The following RNFT2 variants were observed in gnomAD, a reference collection of about 807,000 sequenced individuals.
RNFT2 encodes ring finger protein, transmembrane 2, also known as E3 ubiquitin-protein ligase RNFT2.
In RNFT2, 36 loss-of-function variants were observed where a neutral mutation model predicts 53.0. The ratio of observed to expected loss-of-function variants is 0.68; its 90% CI spans 0.52 to 0.90. The LOEUF is 0.90. RNFT2 is among the 40% of genes least tolerant of loss of function. The pLI is 0.00. For synonymous variants in RNFT2, 260 were observed against 253.2 expected (o/e 1.03, Z -0.26); for missense variants, 514 against 585.6 (o/e 0.88, Z 1.26).
At chr12:116,780,909 CA>C (rs200221377) in intron 7 of RNFT2, among the ~76,000 whole-genome samples, 1,693 of 152,256 alleles carry the variant, frequency 0.011, 13 homozygotes, top group African/African-American at 0.012. Context: ...AGATCCCAGC[CA>C]TACGCCTCTC....
intron 5 of RNFT2, among the ~76,000 whole-genome samples, chr12:116,764,231 A>G (rs1872814882): frequency 6.6e-6 from 1 of 151,936 alleles, no homozygotes. Context: ...TGAGGGATTA[A>G]AGACTACAAA....
intron 5 of RNFT2, among the ~76,000 whole-genome samples, chr12:116,762,562 C>T (rs368005148): frequency 6.6e-6 from 1 of 151,710 alleles, no homozygotes; most frequent in Non-Finnish European, 1.5e-5. Context: ...CATAGCAAGA[C>T]CCCTTTCTTC....
At chr12:116,791,856 C>T (rs565655491) in intron 7 of RNFT2, among the ~76,000 whole-genome samples, 8 of 152,278 alleles carry the variant, frequency 5.3e-5, no homozygotes, top group Admixed American at 2.0e-4. Context: ...AACCTTCCCA[C>T]AGTGCCTGCA....
intron 7 of RNFT2, among the ~76,000 whole-genome samples, chr12:116,781,751 A>C (rs986579587): frequency 6.6e-6 from 1 of 152,094 alleles, no homozygotes; most frequent in African/African-American, 2.4e-5. Flanking sequence ...CTTTTGCCAC[A>C]GAAGGTAACA....
intron 7 of RNFT2, among the ~76,000 whole-genome samples, chr12:116,815,803 A>C (rs1363079955): frequency 6.6e-6 from 1 of 152,148 alleles, no homozygotes. Context: ...TACTTTGCTA[A>C]CGAGGAAACT....
rs1200749772 is a variant in RNFT2 at position 116,749,982 on chromosome 12, C to T, written c.225C>T (p.Ser75=). Residue 75 remains serine, a synonymous_variant, in exon 4 of 11, where the codon AGC becomes AGT. Coordinates refer to ENST00000257575, the MANE Select transcript of RNFT2 (RefSeq NM_001382266.1). ...GSLPTSSFPS[S]LVLGSSAGGG... ...TCCCCACCAGCTCGTTCCCCTCCAG[C>T]CTGGTGCTGGGCTCCTCGGCTGGCG... 4 of 1,560,556 alleles carry T rather than the reference C, an allele frequency of 2.6e-6. No individual in the cohort carries two copies. The highest frequency in any genetic ancestry group is 1.7e-6 in the Non-Finnish European group (2 of 1,152,252).
At chr12:116,821,821 T>C in intron 7 of RNFT2, among the ~76,000 whole-genome samples, 1 of 132,674 alleles carries the variant, frequency 7.5e-6, no homozygotes, top group East Asian at 2.2e-4. Context: ...TTTTTTTTTT[T>C]TTTTTTTTTT....
At chr12:116,770,249 T>C (rs1054355997) in intron 6 of RNFT2, among the ~76,000 whole-genome samples, 4 of 152,204 alleles carry the variant, frequency 2.6e-5, no homozygotes, top group African/African-American at 9.7e-5. Context: ...CTGTGCCCTT[T>C]CTGTTTAGAT....
intron 7 of RNFT2, among the ~76,000 whole-genome samples, chr12:116,798,236 AAG>A (rs1874601004): frequency 1.3e-5 from 2 of 152,078 alleles, no homozygotes; most frequent in African/African-American, 4.8e-5. Flanking sequence ...AAAAAAAAAA[AAG>A]AAGCAGCAGC....
chr12:116,772,524 C>T (rs989978633), intron 6 of RNFT2, among the ~76,000 whole-genome samples: 6 of 151,698 alleles, frequency 4.0e-5, no homozygotes, highest in Non-Finnish European at 7.4e-5. Context: ...CCAGAATGGT[C>T]TTCATCTCCT....
chr12:116,749,116 A>C (rs1176275295), intron 3 of RNFT2, among the ~76,000 whole-genome samples: 1 of 152,164 alleles, frequency 6.6e-6, no homozygotes, highest in Non-Finnish European at 1.5e-5. Context: ...CTTAAACAAC[A>C]GAAATTTCTT....
chr12:116,800,682 T>A (rs1418716927), intron 7 of RNFT2, among the ~76,000 whole-genome samples: 1 of 150,800 alleles, frequency 6.6e-6, no homozygotes, highest in African/African-American at 2.4e-5. Context: ...GGCACTGTGG[T>A]GCGTGCCTGT....
rs374541211 is a variant in RNFT2, at chr12:116,846,969, C to T, written c.1201-2345C>T. 1.4e-5 allele frequency among the ~76,000 whole-genome samples: 2 copies of T among 147,904 alleles called. 1 individual carries two copies. On this transcript the variant is annotated intron_variant, in intron 10 of 10. Transcript: ENST00000257575. ...TGTTGCCCAGGCTGGAGTGCAGTGGCGCGATCTTGGCTCACTGCAACCTCT... is the reference window on the plus strand; with the variant it reads ...TGTTGCCCAGGCTGGAGTGCAGTGGTGCGATCTTGGCTCACTGCAACCTCT...
At position 116,850,494 on chromosome 12, in the gene RNFT2, G is replaced by C. The variant is rs1877865800; in HGVS notation, c.*1046G>C. On this transcript the variant is annotated 3_prime_UTR_variant, in exon 11 of 11. Coordinates refer to ENST00000257575, the MANE Select transcript of RNFT2 (RefSeq NM_001382266.1). Reference sequence around the variant, plus strand: ...CCCACCTGCTGGTTATTTTAACTTAGTACCTAGTACCTAGGACTTGATGGT... The same window carrying C: ...CCCACCTGCTGGTTATTTTAACTTACTACCTAGTACCTAGGACTTGATGGT... 2.6e-5 allele frequency: 4 copies of C among 151,966 alleles called. No individual in the cohort carries two copies. The highest frequency in any genetic ancestry group is 1.5e-5 in the Non-Finnish European group (1 of 68,036). The allele number at this position is 151,966 out of a possible 1,614,324, so 9.4% of individuals were successfully genotyped here. A position where few individuals can be genotyped will look rare whatever the true frequency, so the allele number is the denominator to read the frequency against.
At chr12:116,805,950 C>T (rs891475823) in intron 7 of RNFT2, among the ~76,000 whole-genome samples, 1 of 152,220 alleles carries the variant, frequency 6.6e-6, no homozygotes, top group Admixed American at 6.5e-5. Flanking sequence ...CACAGCAAAA[C>T]CCAGATCAGT....
rs35922781 is a variant in RNFT2, at chr12:116,846,437, A to ATTT, written c.1201-2867_1201-2865dup. On this transcript the variant is annotated intron_variant, in intron 10 of 10. Transcript: ENST00000257575. ...CGGCACATGCCACCATGCCCAGCTA[A>ATTT]TTTTTTTTTTTTGTAGAGACATATG... Among the ~76,000 whole-genome samples, 29 of 104,380 alleles carry ATTT rather than the reference A, an allele frequency of 2.8e-4. 1 individual carries two copies. The highest frequency in any genetic ancestry group is 7.9e-4 in the African/African-American group (21 of 26,690). 68.5% of individuals were successfully genotyped at this position (104,380 alleles called of 152,430 possible). A position where few individuals can be genotyped will look rare whatever the true frequency, so the allele number is the denominator to read the frequency against.
At chr12:116,844,471 G>A (rs572167756) in intron 10 of RNFT2, among the ~76,000 whole-genome samples, 9 of 152,278 alleles carry the variant, frequency 5.9e-5, no homozygotes, top group Middle Eastern at 3.4e-3. Context: ...TCCTGACCTC[G>A]TGATCTGCCC....
intron 7 of RNFT2, among the ~76,000 whole-genome samples, chr12:116,794,834 CT>C (rs1315842619): frequency 5.9e-5 from 9 of 152,200 alleles, no homozygotes; most frequent in East Asian, 1.9e-4. Flanking sequence ...GCCACTGCCC[CT>C]GTCTCACCAA....
chr12:116,760,311 C>A (rs1872648154), intron 5 of RNFT2, among the ~76,000 whole-genome samples: 1 of 152,210 alleles, frequency 6.6e-6, no homozygotes, highest in Non-Finnish European at 1.5e-5. Flanking sequence ...GTTCGTGCCG[C>A]CGCTGTGGAG....
Sources: gnomAD v4.1 joint callset for allele counts (sites outside exome capture counted in the v4.1 genomes callset) on GRCh38, gnomAD v4.1.1 for gene constraint, MANE v1.5 for transcripts, NCBI Gene and HGNC (gene_info 2026-07-23, HGNC 2026-07-21) for gene names.